SLCO3A1: variants seen among roughly 807,000 people sequenced by gnomAD.
The protein encoded by SLCO3A1 is solute carrier organic anion transporter family member 3A1, also known as PGE1 transporter.
SLCO3A1 carries 27 observed loss-of-function variants against 63.1 expected under a neutral mutation model. The ratio of observed to expected loss-of-function variants is 0.43; its 90% CI spans 0.32 to 0.59. The LOEUF (loss-of-function observed/expected upper bound fraction) is 0.59, where lower values mean the gene tolerates loss of function less well. SLCO3A1 is among the 20% of genes least tolerant of loss of function. The pLI is 0.09. For missense variants in SLCO3A1, 773 were observed against 945.8 expected, an observed-to-expected ratio of 0.82 and a Z score of 2.40; for synonymous variants, 473 against 409.9, an observed-to-expected ratio of 1.15 and a Z score of -1.86.
rs149655898 is a variant in SLCO3A1, at chr15:92,085,862, TA to T, written c.647-9016del. On this transcript the variant is annotated intron_variant, in intron 2 of 9. Coordinates refer to ENST00000318445, the MANE Select transcript of SLCO3A1 (RefSeq NM_013272.4). ...TCTTTATAGTTTGACTCCCTGTCAT[TA>T]AAGAGTTAACTTTGCTGTTTGGAAT... Among the ~76,000 whole-genome samples the T allele has an allele frequency of 3.3e-4, 51 of 152,352 alleles. 1 individual carries two copies. The East Asian group carries it at 7.7e-3, about 23-fold the overall frequency.
rs895555172 is a variant in SLCO3A1 at position 91,882,169 on chromosome 15, C to T, written c.180+28081C>T. Among the ~76,000 whole-genome samples, 1 of 152,120 alleles carries T rather than the reference C, an allele frequency of 6.6e-6. No homozygotes were observed. Among genetic ancestry groups the T allele is most frequent in the African/African-American group, 2.4e-5 (1 of 41,416 alleles). On this transcript the variant is annotated intron_variant, in intron 1 of 9. Transcript: ENST00000318445. This position sits in a 1 kb window ranked among gnomAD's most constrained non-coding sequence, Gnocchi z 4.4. ...CTTACCTCTGAACACTAGGATCACG[C>T]TTAGCATGGTAATAGTGAGATCTAT...
intron 2 of SLCO3A1, among the ~76,000 whole-genome samples, chr15:91,989,142 G>T (rs938821663): frequency 6.6e-6 from 1 of 152,126 alleles, no homozygotes; most frequent in Non-Finnish European, 1.5e-5. Context: ...TTATTCCACT[G>T]TGCCTTCGCA....
chr15:91,871,069 T>A (rs1897268937), intron 1 of SLCO3A1, among the ~76,000 whole-genome samples: 1 of 152,212 alleles, frequency 6.6e-6, no homozygotes, highest in South Asian at 2.1e-4. Flanking sequence ...TGTTTAAAGA[T>A]AACCATGCCT....
chr15:92,148,297 GGAATGAAACGCAT>G (rs1279517243), intron 8 of SLCO3A1, among the ~76,000 whole-genome samples: 14 of 152,146 alleles, frequency 9.2e-5, no homozygotes, highest in Admixed American at 3.9e-4. Flanking sequence ...AATAAAAGTA[GGAATGAAACGCAT>G]GGAAGTACCC....
intron 2 of SLCO3A1, among the ~76,000 whole-genome samples, chr15:91,956,157 G>T (rs1900169282): frequency 6.6e-6 from 1 of 152,134 alleles, no homozygotes; most frequent in African/African-American, 2.4e-5. Context: ...CTAAGGTCTG[G>T]CTATTGTAAT....
intron 2 of SLCO3A1, among the ~76,000 whole-genome samples, chr15:92,002,997 G>C (rs1361246524): frequency 6.6e-6 from 1 of 152,092 alleles, no homozygotes; most frequent in Non-Finnish European, 1.5e-5. Context: ...TTATCTCACG[G>C]AGTATTATAA....
chr15:92,004,495 C>A (rs776609337), intron 2 of SLCO3A1, among the ~76,000 whole-genome samples: 20 of 152,204 alleles, frequency 1.3e-4, no homozygotes, highest in Non-Finnish European at 2.6e-4. Flanking sequence ...TTCTGCTCCA[C>A]GCAGCATTAG....
intron 2 of SLCO3A1, among the ~76,000 whole-genome samples, chr15:91,955,006 A>C (rs1900122359): frequency 1.3e-5 from 2 of 151,794 alleles, no homozygotes; most frequent in Admixed American, 1.3e-4. Context: ...TGCTTCCCTC[A>C]CTTGCCAGGG....
chr15:91,944,794 A>AG (rs1250436220), intron 2 of SLCO3A1, among the ~76,000 whole-genome samples: 2 of 152,038 alleles, frequency 1.3e-5, no homozygotes, highest in Non-Finnish European at 2.9e-5. Context: ...GGCCATCCAG[A>AG]GGGGGAAAGG....
chr15:92,170,636 C>A (rs1199178739), downstream of SLCO3A1, among the ~76,000 whole-genome samples: 1 of 152,202 alleles, frequency 6.6e-6, no homozygotes, highest in Non-Finnish European at 1.5e-5. Flanking sequence ...AGAGCGTCTA[C>A]CTGTGGGAAA....
At chr15:91,864,318 C>T (rs76213289) in intron 1 of SLCO3A1, among the ~76,000 whole-genome samples, 3,710 of 152,224 alleles carry the variant, frequency 0.024, 154 homozygotes, top group African/African-American at 0.085. Context: ...CCCCACCCTC[C>T]GGAGCCAGCT....
At chr15:92,137,240 T>TG (rs2048071030) in intron 7 of SLCO3A1, among the ~76,000 whole-genome samples, 1 of 124,330 alleles carries the variant, frequency 8.0e-6, no homozygotes, top group Non-Finnish European at 1.6e-5. Context: ...TTTTTGTTCT[T>TG]GTGATAGTTT....
At chr15:92,018,369 C>A (rs1169356209) in intron 2 of SLCO3A1, among the ~76,000 whole-genome samples, 7 of 152,122 alleles carry the variant, frequency 4.6e-5, no homozygotes, top group Admixed American at 3.3e-4. Context: ...AGAGCAGTGA[C>A]CTTGGGTGCT....
chr15:91,911,417 C>A (rs1165027806), intron 1 of SLCO3A1, among the ~76,000 whole-genome samples: 1 of 152,024 alleles, frequency 6.6e-6, no homozygotes, highest in Non-Finnish European at 1.5e-5. Context: ...CCACCCCAGA[C>A]CTGCAAAATC....
rs547281011 is a variant in SLCO3A1 at position 92,163,532 on chromosome 15, G to C, written c.*397G>C. Reference sequence around the variant, plus strand: ...ACAAAACAGAAAACATTTTTTAAAAGAAGTTTCCTAAAATAAAAAAAATTA... The same window carrying C: ...ACAAAACAGAAAACATTTTTTAAAACAAGTTTCCTAAAATAAAAAAAATTA... On this transcript the variant is annotated 3_prime_UTR_variant, in exon 10 of 10. Coordinates refer to ENST00000318445, the MANE Select transcript of SLCO3A1 (RefSeq NM_013272.4). 3.1e-6 allele frequency: 3 copies of C among 969,116 alleles called. No homozygotes were observed. The African/African-American group carries it at 5.9e-5, about 19-fold the overall frequency. 60.0% of individuals were successfully genotyped at this position (969,116 alleles called of 1,614,324 possible). A position where few individuals can be genotyped will look rare whatever the true frequency, so the allele number is the denominator to read the frequency against.
chr15:92,047,018 TA>T (rs1311526908), intron 2 of SLCO3A1, among the ~76,000 whole-genome samples: 1 of 73,974 alleles, frequency 1.4e-5, no homozygotes, highest in African/African-American at 4.7e-5. Context: ...AATATATATA[TA>T]ATATATAAAT....
intron 2 of SLCO3A1, among the ~76,000 whole-genome samples, chr15:92,021,826 G>A (rs2151472178): frequency 6.6e-6 from 1 of 152,262 alleles, no homozygotes; most frequent in South Asian, 2.1e-4. Flanking sequence ...CGAGAACCCA[G>A]GGCTAGGGAC....
rs1897299304 is a variant in SLCO3A1, at chr15:91,872,269, A to T, written c.180+18181A>T. ...ATGTGCTGGATGGGCACGGTGGCTC[A>T]CGCCTGTAATCCCAGCACTTTGGGA... On this transcript the variant is annotated intron_variant, in intron 1 of 9. Coordinates refer to ENST00000318445, the MANE Select transcript of SLCO3A1 (RefSeq NM_013272.4). This position sits in a 1 kb window ranked among gnomAD's most constrained non-coding sequence, Gnocchi z 4.1. Among the ~76,000 whole-genome samples the T allele has an allele frequency of 6.6e-6, 1 of 152,204 alleles. No homozygotes were observed. Among genetic ancestry groups the T allele is most frequent in the African/African-American group, 2.4e-5 (1 of 41,452 alleles).
intron 2 of SLCO3A1, among the ~76,000 whole-genome samples, chr15:91,934,481 G>T (rs978372896): frequency 1.3e-5 from 2 of 152,164 alleles, no homozygotes; most frequent in Admixed American, 1.3e-4. Context: ...AAAAGCGGGT[G>T]CCCCATACCA....
Sources: allele counts gnomAD v4.1 joint callset (sites outside exome capture counted in the v4.1 genomes callset), GRCh38; gene constraint gnomAD v4.1.1; non-coding constraint Gnocchi (gnomAD v3.1); transcripts MANE v1.5; gene names NCBI Gene and HGNC (gene_info 2026-07-23, HGNC 2026-07-21).